The following SYNE2 variants were observed in gnomAD, a reference collection of about 807,000 sequenced individuals.
The protein encoded by SYNE2 is nesprin-2.
Under a neutral mutation model 856.3 loss-of-function variants are expected in SYNE2, and 431 were observed. That is an observed-to-expected ratio of 0.50 (90% CI 0.47 to 0.55). SYNE2 has a LOEUF of 0.55. Ranked by LOEUF, SYNE2 falls within the 20% of genes least tolerant of loss-of-function variation. The pLI, the probability that SYNE2 is intolerant of heterozygous loss-of-function variation, is 0.00. For synonymous variants in SYNE2, 2,923 were observed against 2,872.3 expected (o/e 1.02, Z -0.56); for missense variants, 8,129 against 8,023.2 (o/e 1.01, Z -0.50).
intron 1 of SYNE2, among the ~76,000 whole-genome samples, chr14:63,787,115 A>G (rs1887559916): frequency 6.6e-6 from 1 of 152,164 alleles, no homozygotes; most frequent in Admixed American, 6.6e-5. Flanking sequence ...ATACATGCAT[A>G]CAATATATGA....
chr14:63,765,514 G>A (rs919792693), intron 1 of SYNE2, among the ~76,000 whole-genome samples: 3 of 152,022 alleles, frequency 2.0e-5, no homozygotes, highest in East Asian at 1.9e-4. Flanking sequence ...CACCATGCCC[G>A]GCTAATTTTG....
chr14:64,084,446 T>C (rs973584977), intron 57 of SYNE2: 1 of 152,808 alleles, frequency 6.5e-6, no homozygotes, highest in Non-Finnish European at 1.5e-5. Context: ...ACTCACTGTT[T>C]CCTATTACTA....
chr14:64,028,878 C>G (rs888653840), intron 43 of SYNE2, among the ~76,000 whole-genome samples: 1 of 152,276 alleles, frequency 6.6e-6, no homozygotes, highest in South Asian at 2.1e-4. Flanking sequence ...GGCTCAACGC[C>G]TGTAATCCCA....
intron 8 of SYNE2, among the ~76,000 whole-genome samples, chr14:63,956,941 T>C (rs922470380): frequency 6.6e-6 from 1 of 152,180 alleles, no homozygotes; most frequent in Non-Finnish European, 1.5e-5. Context: ...AAGGAACTCC[T>C]GTGACCATTA....
chr14:64,151,019 C>A (rs558950428), intron 84 of SYNE2, among the ~76,000 whole-genome samples: 1 of 152,100 alleles, frequency 6.6e-6, no homozygotes, highest in African/African-American at 2.4e-5. Flanking sequence ...TCTGTTCATA[C>A]GCTATATATT....
At chr14:63,978,808 T>G in intron 13 of SYNE2, 44 bp from the exon 14 acceptor site, 3 of 1,544,800 alleles carry the variant, frequency 1.9e-6, no homozygotes, top group Non-Finnish European at 2.7e-6. Flanking sequence ...TCACATTTGG[T>G]CAATAATATT....
rs1162341254 is a variant in SYNE2, at chr14:64,014,974, T to TACACAC, written c.4729-1485_4729-1480dup. On this transcript the variant is annotated intron_variant, in intron 32 of 115. Transcript: ENST00000555002. ...ATATATATATATATATATATATATATACACACACACACACACACATATATA... is the reference window on the plus strand; with the variant it reads ...ATATATATATATATATATATATATATACACACACACACACACACACACACATATATA... Among the ~76,000 whole-genome samples the TACACAC allele has an allele frequency of 3.4e-3, 291 of 84,756 alleles. 5 individuals carry two copies. Among genetic ancestry groups the TACACAC allele is most frequent in the African/African-American group, 0.011 (263 of 23,530 alleles). The allele number at this position is 84,756 out of a possible 152,430, so 55.6% of individuals were successfully genotyped here.
chr14:63,840,441 TCCTTCCTTCCTCCCTC>T (rs770068872), intron 1 of SYNE2, among the ~76,000 whole-genome samples: 20 of 108,382 alleles, frequency 1.8e-4, no homozygotes, highest in African/African-American at 4.7e-4. Flanking sequence ...CTTCCTTCCT[TCCTTCCTTCCTCCCTC>T]CCTCCCTCCT....
chr14:63,821,030 C>A (rs2139863624), intron 1 of SYNE2, among the ~76,000 whole-genome samples: 1 of 152,222 alleles, frequency 6.6e-6, no homozygotes, highest in Admixed American at 6.5e-5. Context: ...GTGTGAGCCA[C>A]TGCACCCGGC....
At chr14:63,940,517 G>A (rs1006341895) in intron 2 of SYNE2, 97 bp from the exon 3 acceptor site, 7 of 1,086,240 alleles carry the variant, frequency 6.4e-6, no homozygotes, top group Middle Eastern at 3.9e-4. Context: ...TGTGAAACAG[G>A]CACACACCTA....
rs114420905 is a variant in SYNE2 at position 63,861,736 on chromosome 14, G to A, written c.-52+8593G>A. ...TGGGGGATTGAGGCTGCAGTGAGCC[G>A]TGAGAGACACAGTGAGACCCCGACT... On this transcript the variant is annotated intron_variant, in intron 1 of 115. Coordinates refer to ENST00000555002, the MANE Select transcript of SYNE2 (RefSeq NM_182914.3). Among the ~76,000 whole-genome samples, 696 of 152,116 alleles carry A rather than the reference G, an allele frequency of 4.6e-3. 4 individuals carry two copies. The highest frequency in any genetic ancestry group is 0.016 in the African/African-American group (670 of 41,502).
intron 2 of SYNE2, among the ~76,000 whole-genome samples, chr14:63,928,092 G>A (rs1311871500): frequency 6.6e-6 from 1 of 152,008 alleles, no homozygotes; most frequent in Non-Finnish European, 1.5e-5. Flanking sequence ...AGGGCTGGGG[G>A]GCCAAGATGT....
intron 76 of SYNE2, among the ~76,000 whole-genome samples, 191 bp from the exon 77 acceptor site, chr14:64,132,074 C>T (rs900299062): frequency 3.3e-5 from 5 of 152,138 alleles, no homozygotes; most frequent in Middle Eastern, 3.2e-3. Context: ...ACTGGGATTA[C>T]GGGCATTCAC....
chr14:63,915,273 C>T (rs1407789219), intron 2 of SYNE2, among the ~76,000 whole-genome samples: 6 of 152,078 alleles, frequency 3.9e-5, no homozygotes, highest in African/African-American at 4.8e-5. Flanking sequence ...TAGTAACAAG[C>T]GAAATTGGCT....
chr14:64,185,427 C>T (rs1244684963), intron 96 of SYNE2, among the ~76,000 whole-genome samples: 1 of 150,842 alleles, frequency 6.6e-6, no homozygotes, highest in Non-Finnish European at 1.5e-5. Flanking sequence ...ACCTTCCCTG[C>T]TGTGAAAGTA....
intron 78 of SYNE2, 141 bp downstream of exon 78, chr14:64,134,341 G>A: frequency 1.1e-6 from 1 of 937,552 alleles, no homozygotes; most frequent in Admixed American, 1.7e-5. Flanking sequence ...AATGTATTCA[G>A]GGAGACTACA....
At chr14:63,955,227 T>G (rs10132057) in intron 8 of SYNE2, among the ~76,000 whole-genome samples, 3 of 152,070 alleles carry the variant, frequency 2.0e-5, no homozygotes, top group Non-Finnish European at 4.4e-5. Context: ...TAAATCTCTT[T>G]TGTAAGATGT....
chr14:63,968,112 G>A (rs561685389), intron 11 of SYNE2, among the ~76,000 whole-genome samples: 3 of 152,118 alleles, frequency 2.0e-5, no homozygotes, highest in Non-Finnish European at 4.4e-5. Flanking sequence ...GCAGTGAGCC[G>A]GGATCGTACC....
At chr14:64,220,343 AGT>A in intron 110 of SYNE2, 92 bp from the exon 111 acceptor site, 1 of 1,370,814 alleles carries the variant, frequency 7.3e-7, no homozygotes, top group Admixed American at 1.8e-5. Context: ...AGCTTGGAAA[AGT>A]GTGTGGAAAA....
Sources: gnomAD v4.1 joint callset for allele counts (sites outside exome capture counted in the v4.1 genomes callset) on GRCh38, gnomAD v4.1.1 for gene constraint, MANE v1.5 for transcripts, NCBI Gene and HGNC (gene_info 2026-07-23, HGNC 2026-07-21) for gene names.